Variants in CSMD1 observed in about 807,000 individuals in gnomAD.
The protein encoded by CSMD1 is CUB and Sushi multiple domains 1, also known as CUB and sushi domain-containing protein 1.
In CSMD1, 213 loss-of-function variants were observed where a neutral mutation model predicts 417.5. The observed-to-expected ratio is 0.51, with a 90% CI of 0.46 to 0.57. The LOEUF (loss-of-function observed/expected upper bound fraction) is 0.57. Among genes scored for constraint, CSMD1 ranks in the 20% least tolerant of loss-of-function variants. The pLI is 0.00. For missense variants in CSMD1, 6,923 were observed against 4,529.7 expected, an observed-to-expected ratio of 1.53 and a Z score of -15.17; for synonymous variants, 2,862 against 1,736.8, an observed-to-expected ratio of 1.65 and a Z score of -16.11.
At chr8:3,035,124 TGGTTCTTTCTAACAAAAA>T (rs1810587571) in intron 50 of CSMD1, among the ~76,000 whole-genome samples, 5 of 152,168 alleles carry the variant, frequency 3.3e-5, no homozygotes, top group Non-Finnish European at 5.9e-5. Context: ...AGAAAACACT[TGGTTCTTTCTAACAAAAA>T]TATCTTAGCT....
intron 3 of CSMD1, among the ~76,000 whole-genome samples, chr8:4,298,323 C>G (rs1469637855): frequency 1.3e-5 from 2 of 152,038 alleles, no homozygotes; most frequent in African/African-American, 2.4e-5. Flanking sequence ...CTCAGTTGTC[C>G]TTTCATTCAA....
chr8:4,058,457 A>G (rs1392375835), intron 3 of CSMD1, among the ~76,000 whole-genome samples: 2 of 152,120 alleles, frequency 1.3e-5, no homozygotes, highest in Non-Finnish European at 1.5e-5. Flanking sequence ...GGTTTTCCAG[A>G]TACACAATCA....
chr8:3,945,909 G>C (rs148282686), intron 5 of CSMD1, among the ~76,000 whole-genome samples: 2 of 152,236 alleles, frequency 1.3e-5, no homozygotes, highest in East Asian at 3.9e-4. Context: ...ATTCACTCAA[G>C]ACGTGGCTCC....
intron 1 of CSMD1, among the ~76,000 whole-genome samples, chr8:4,791,086 G>GAGAGACAGTGAGA (rs1797662466): frequency 7.6e-6 from 1 of 131,366 alleles, no homozygotes; most frequent in Admixed American, 7.6e-5. Flanking sequence ...GAGACGGTGA[G>GAGAGACAGTGAGA]AGAGACGGTG....
intron 4 of CSMD1, among the ~76,000 whole-genome samples, chr8:4,020,806 C>G (rs1796751285): frequency 6.6e-6 from 1 of 152,198 alleles, no homozygotes; most frequent in African/African-American, 2.4e-5. Context: ...TTTGAGAAAA[C>G]TTTTTAGATT....
intron 7 of CSMD1, among the ~76,000 whole-genome samples, chr8:3,684,984 C>T (rs190416343): frequency 6.4e-4 from 97 of 152,134 alleles, no homozygotes; most frequent in Non-Finnish European, 1.0e-3. Flanking sequence ...AAAGTCAATA[C>T]GGGAATCAAT....
chr8:3,662,848 G>C (rs1798489488), intron 7 of CSMD1, among the ~76,000 whole-genome samples: 1 of 151,984 alleles, frequency 6.6e-6, no homozygotes, highest in Non-Finnish European at 1.5e-5. Flanking sequence ...GTGGGTAGGG[G>C]GAAAGAGGGG....
intron 2 of CSMD1, among the ~76,000 whole-genome samples, chr8:4,545,507 G>T (rs757773083): frequency 6.6e-6 from 1 of 152,060 alleles, no homozygotes; most frequent in Non-Finnish European, 1.5e-5. Context: ...CTAGTGGGTA[G>T]ATCTCACGAC....
chr8:4,165,864 G>A (rs557254506), intron 3 of CSMD1, among the ~76,000 whole-genome samples: 11 of 152,186 alleles, frequency 7.2e-5, no homozygotes, highest in Non-Finnish European at 1.5e-4. Flanking sequence ...GAAAGTAAAA[G>A]CAAATTACTT....
chr8:3,517,509 G>T (rs748890579), intron 10 of CSMD1, among the ~76,000 whole-genome samples: 1 of 152,152 alleles, frequency 6.6e-6, no homozygotes, highest in Non-Finnish European at 1.5e-5. Flanking sequence ...CTTAGAAAAT[G>T]TCAGGTTCCA....
intron 6 of CSMD1, among the ~76,000 whole-genome samples, chr8:3,736,726 T>C (rs539881480): frequency 6.6e-6 from 1 of 152,348 alleles, no homozygotes; most frequent in African/African-American, 2.4e-5. Flanking sequence ...TCACACTGCC[T>C]GGCTTCAAAT....
In CSMD1 at chr8:4,164,378, G is replaced by C. The variant is rs193271937; in HGVS notation, c.416-132279C>G. The stretch of plus-strand genomic sequence containing the variant: ...AGTCACACACTGTACTTGTTGGACA[G>C]AGAACACTTACACATTCAGGTAAGT... On this transcript the variant is annotated intron_variant, in intron 3 of 69. Transcript: ENST00000635120. 1.2e-4 allele frequency among the ~76,000 whole-genome samples: 18 copies of C among 152,230 alleles called. No homozygotes were observed. In the East Asian group the frequency reaches 3.5e-3, roughly 29 times the overall value.
chr8:4,786,876 A>C (rs892791317), intron 1 of CSMD1, among the ~76,000 whole-genome samples: 6 of 152,216 alleles, frequency 3.9e-5, no homozygotes, highest in African/African-American at 1.4e-4. Context: ...TAATTATTTA[A>C]GTGAAATGCT....
chr8:4,535,300 G>C (rs897735806), intron 2 of CSMD1, among the ~76,000 whole-genome samples: 1 of 151,960 alleles, frequency 6.6e-6, no homozygotes, highest in Admixed American at 6.6e-5. Context: ...TCAATTATTT[G>C]TTATCTGAAA....
chr8:3,884,095 G>T (rs1806391569), intron 5 of CSMD1, among the ~76,000 whole-genome samples: 1 of 152,130 alleles, frequency 6.6e-6, no homozygotes. Context: ...AAGGTAAACA[G>T]CGAATTGAAA....
At chr8:3,078,121 C>T (rs1291436518) in intron 49 of CSMD1, among the ~76,000 whole-genome samples, 1 of 152,196 alleles carries the variant, frequency 6.6e-6, no homozygotes, top group Non-Finnish European at 1.5e-5. Flanking sequence ...TATAGTTGAT[C>T]TCTATTAGCC....
At chr8:3,493,382 C>T (rs1389496573) in intron 11 of CSMD1, among the ~76,000 whole-genome samples, 1 of 151,264 alleles carries the variant, frequency 6.6e-6, no homozygotes, top group East Asian at 1.9e-4. Context: ...TAATTTTTTG[C>T]CATAAACATA....
chr8:3,142,098 C>A (rs1818538815), intron 41 of CSMD1, among the ~76,000 whole-genome samples: 2 of 152,096 alleles, frequency 1.3e-5, no homozygotes, highest in South Asian at 4.2e-4. Flanking sequence ...CGCCCGGCCG[C>A]CAAATTATCT....
intron 6 of CSMD1, among the ~76,000 whole-genome samples, chr8:3,730,018 C>G (rs1454109630): frequency 6.9e-6 from 1 of 144,472 alleles, no homozygotes; most frequent in Non-Finnish European, 1.5e-5. Context: ...GGAGAAAAAT[C>G]TTTGGTCGAA....
Sources: gnomAD v4.1 joint callset for allele counts (sites outside exome capture counted in the v4.1 genomes callset) on GRCh38, gnomAD v4.1.1 for gene constraint, MANE v1.5 for transcripts, NCBI Gene and HGNC (gene_info 2026-07-23, HGNC 2026-07-21) for gene names.